The following MAPK6 variants were observed in gnomAD, a reference collection of about 807,000 sequenced individuals.
The protein encoded by MAPK6 is mitogen-activated protein kinase 6.
Under a neutral mutation model 59.3 loss-of-function variants are expected in MAPK6, and 19 were observed. That is an observed-to-expected ratio of 0.32 (90% CI 0.22 to 0.47). MAPK6 has a LOEUF of 0.47. Ranked by LOEUF, MAPK6 falls within the 20% of genes least tolerant of loss-of-function variation. The probability of loss-of-function intolerance (pLI) is 1.00; values close to 1 mark genes in which losing one functional copy is unlikely to be tolerated. For missense variants in MAPK6, 724 were observed against 847.9 expected (o/e 0.85, Z 1.81); for synonymous variants, 316 against 290.3 (o/e 1.09, Z -0.90).
chr15:51,999,746 C>G (rs1566896303), intron 2 of MAPK6, among the ~76,000 whole-genome samples: 1 of 152,140 alleles, frequency 6.6e-6, no homozygotes, highest in South Asian at 2.1e-4. Flanking sequence ...TGGGCTTAAG[C>G]CAGCCTTCCA....
At chr15:51,998,406 T>C (rs1457705773) in intron 2 of MAPK6, among the ~76,000 whole-genome samples, 1 of 151,812 alleles carries the variant, frequency 6.6e-6, no homozygotes, top group Non-Finnish European at 1.5e-5. Context: ...ATTTTCATCA[T>C]GTTGGCCAGG....
intron 1 of MAPK6, among the ~76,000 whole-genome samples, chr15:52,037,247 A>G (rs1297809905): frequency 6.6e-6 from 1 of 152,216 alleles, no homozygotes; most frequent in Non-Finnish European, 1.5e-5. Context: ...TCTCTTAAAG[A>G]GAATCTCCAA....
In MAPK6 at chr15:51,976,180, C is replaced by T. The variant is rs190216838; in HGVS notation, c.-880+4274C>T. On this transcript the variant is annotated intron_variant, in intron 1 of 7. Transcript: ENST00000691380. ...ACTCGGGAGGCTGAGGCAGAAGAAT[C>T]GCTTGAACCCGGGAGGCAGAGGTTG... Among the ~76,000 whole-genome samples the T allele has an allele frequency of 1.6e-3, 235 of 150,030 alleles. 2 individuals are homozygous for T. The highest frequency in any genetic ancestry group is 5.5e-3 in the African/African-American group (227 of 40,970).
At chr15:51,980,852 A>G (rs995124502) in intron 1 of MAPK6, among the ~76,000 whole-genome samples, 1 of 151,456 alleles carries the variant, frequency 6.6e-6, no homozygotes, top group African/African-American at 2.4e-5. Flanking sequence ...TCAGCCTCCC[A>G]GAGTGTTGGG....
chr15:52,065,168 A>C lies in MAPK6; in HGVS notation c.*168A>C, dbSNP rs1223906410. The C allele has an allele frequency of 1.7e-6, 1 of 595,976 alleles. No homozygotes were observed. The highest frequency in any genetic ancestry group is 1.9e-5 in the African/African-American group (1 of 52,742). The allele number at this position is 595,976 out of a possible 1,614,324, so 36.9% of individuals were successfully genotyped here. A position where few individuals can be genotyped will look rare whatever the true frequency, so the allele number is the denominator to read the frequency against. The stretch of plus-strand genomic sequence containing the variant: ...GACTTTCTTTTTCTACATGTGAGAT[A>C]GTTTTCATTTTAACTGGCATGTCAT... On this transcript the variant is annotated 3_prime_UTR_variant, in exon 6 of 6. Transcript: ENST00000261845.
chr15:52,062,513 C>T (rs960429056), intron 5 of MAPK6, among the ~76,000 whole-genome samples: 1 of 152,018 alleles, frequency 6.6e-6, no homozygotes, highest in African/African-American at 2.4e-5. Flanking sequence ...GCCTGTAATC[C>T]CAGCACTTTG....
chr15:52,006,525 C>T (rs1357870876), intron 3 of MAPK6, among the ~76,000 whole-genome samples: 1 of 152,212 alleles, frequency 6.6e-6, no homozygotes, highest in Non-Finnish European at 1.5e-5. Context: ...TTTACAATGA[C>T]TAAAACACAG....
chr15:52,025,884 A>G (rs999475037), intron 1 of MAPK6, among the ~76,000 whole-genome samples: 4 of 152,260 alleles, frequency 2.6e-5, no homozygotes, highest in Non-Finnish European at 5.9e-5. Context: ...CTGTAATTTA[A>G]TAACTGGTTA....
At chr15:51,980,926 A>G (rs1480985793) in intron 1 of MAPK6, among the ~76,000 whole-genome samples, 11 of 151,536 alleles carry the variant, frequency 7.3e-5, no homozygotes, top group Admixed American at 7.2e-4. Context: ...TGATTACCTC[A>G]TGGAAGCATT....
intron 3 of MAPK6, chr15:52,004,510 T>C (rs1326475613): frequency 6.6e-6 from 1 of 152,210 alleles, no homozygotes; most frequent in East Asian, 1.9e-4. Flanking sequence ...CATGTCTTAG[T>C]CTGTTTTGTG....
At chr15:52,058,607 T>G (rs2032075534) in intron 3 of MAPK6, 26 bp from the exon 4 acceptor site, 2 of 1,563,220 alleles carry the variant, frequency 1.3e-6, no homozygotes, top group South Asian at 2.4e-5. Context: ...GAGGAATGTG[T>G]TTTTTTGTTT....
Position 52,064,248 on chromosome 15 carries a change from C to G in MAPK6, c.1414C>G (p.Leu472Val). ...AGTTAACCATTACTATGAACCCAAG[C>G]TTATTATAGATCTTTCCAATTGGAA... ...SEVNHYYEPK[L>V]IIDLSNWKEQ... Residue 472 changes from leucine (L) to valine (V), a missense_variant, in exon 6 of 6, where the codon CTT becomes GTT. Around this residue, in one of 4 missense-constraint regions of MAPK6, gnomAD observed 502 missense variants for 507.6 expected, o/e 0.99. Coordinates refer to ENST00000261845, the MANE Select transcript of MAPK6 (RefSeq NM_002748.4). 1 of 1,611,038 alleles carries G rather than the reference C, an allele frequency of 6.2e-7. No individual in the cohort carries two copies.
chr15:51,998,880 CG>C (rs1415239311), intron 2 of MAPK6, among the ~76,000 whole-genome samples: 37 of 149,282 alleles, frequency 2.5e-4, no homozygotes, highest in Non-Finnish European at 4.0e-4. Flanking sequence ...TTAGTAGAGA[CG>C]GGGTTTCACT....
chr15:52,013,222 C>T (rs774851403), intron 3 of MAPK6, among the ~76,000 whole-genome samples: 28 of 151,116 alleles, frequency 1.9e-4, no homozygotes, highest in African/African-American at 5.8e-4. Flanking sequence ...AATGACCAAC[C>T]TCTTGGTTAA....
chr15:52,066,687 C>G lies in MAPK6; in HGVS notation c.*1687C>G, dbSNP rs1161958236. ...TCTTTCATCCTTGTTTTGTACAACACCAATTCTATTAATATCTGCCCACCT... is the reference window on the plus strand; with the variant it reads ...TCTTTCATCCTTGTTTTGTACAACAGCAATTCTATTAATATCTGCCCACCT... On this transcript the variant is annotated 3_prime_UTR_variant, in exon 6 of 6. Coordinates refer to ENST00000261845, the MANE Select transcript of MAPK6 (RefSeq NM_002748.4). 1 of 151,878 alleles carries G rather than the reference C, an allele frequency of 6.6e-6. No homozygotes were observed. The highest frequency in any genetic ancestry group is 1.5e-5 in the Non-Finnish European group (1 of 67,944). The allele number at this position is 151,878 out of a possible 1,614,324, so 9.4% of individuals were successfully genotyped here.
chr15:52,003,183 G>A (rs548732764), intron 2 of MAPK6, among the ~76,000 whole-genome samples: 7 of 151,336 alleles, frequency 4.6e-5, no homozygotes, highest in South Asian at 2.1e-4. Flanking sequence ...GGGAAACTCC[G>A]TCTTAAAAAA....
At chr15:52,011,625 G>A (rs547358685) in intron 3 of MAPK6, among the ~76,000 whole-genome samples, 2 of 152,226 alleles carry the variant, frequency 1.3e-5, no homozygotes, top group Non-Finnish European at 2.9e-5. Context: ...TGGCTGATGA[G>A]AATGTTGTGC....
intron 3 of MAPK6, among the ~76,000 whole-genome samples, chr15:52,054,307 G>A (rs780813838): frequency 6.8e-6 from 1 of 147,828 alleles, no homozygotes; most frequent in Admixed American, 6.8e-5. Context: ...GGTGGAGGTT[G>A]CAGTGAGCCG....
intron 3 of MAPK6, chr15:52,056,800 C>T (rs966767974): frequency 6.6e-6 from 1 of 152,118 alleles, no homozygotes; most frequent in Non-Finnish European, 1.5e-5. Context: ...TAGTCTCATT[C>T]TTTTTCATTC....
Sources: gnomAD v4.1 joint callset for allele counts (sites outside exome capture counted in the v4.1 genomes callset) on GRCh38, gnomAD v4.1.1 for gene constraint, gnomAD v4.1.1 regional missense constraint, MANE v1.5 for transcripts, NCBI Gene and HGNC (gene_info 2026-07-23, HGNC 2026-07-21) for gene names.